PTPRR: variants seen among roughly 807,000 people sequenced by gnomAD.
The protein encoded by PTPRR is receptor-type tyrosine-protein phosphatase R.
In PTPRR, 38 loss-of-function variants were observed where a neutral mutation model predicts 77.2. The ratio of observed to expected loss-of-function variants is 0.49; its 90% CI spans 0.38 to 0.65. PTPRR has a LOEUF of 0.65. PTPRR is among the 30% of genes least tolerant of loss of function. The probability of loss-of-function intolerance (pLI) is 0.00; values close to 1 mark genes in which losing one functional copy is unlikely to be tolerated. For synonymous variants in PTPRR, 299 were observed against 283.1 expected, an observed-to-expected ratio of 1.06 and a Z score of -0.57; for missense variants, 744 against 799.2, an observed-to-expected ratio of 0.93 and a Z score of 0.83.
intron 6 of PTPRR, among the ~76,000 whole-genome samples, chr12:70,713,775 A>G (rs12812487): frequency 0.08 from 12,240 of 152,104 alleles, 636 homozygotes; most frequent in South Asian, 0.12. Context: ...AAAATTATGT[A>G]TATATTCTGG....
At chr12:70,795,210 T>A (rs901266765) in intron 2 of PTPRR, among the ~76,000 whole-genome samples, 5 of 152,236 alleles carry the variant, frequency 3.3e-5, no homozygotes, top group African/African-American at 1.2e-4. Context: ...TCAGTTCAAA[T>A]GACCCTTTCT....
chr12:70,645,557 T>C (rs1034964999), intron 13 of PTPRR, among the ~76,000 whole-genome samples: 2 of 152,228 alleles, frequency 1.3e-5, no homozygotes, highest in East Asian at 1.9e-4. Flanking sequence ...TTCATCCTAA[T>C]GATGCCCCAT....
At chr12:70,829,622 A>G (rs1892176577) in intron 2 of PTPRR, among the ~76,000 whole-genome samples, 1 of 152,202 alleles carries the variant, frequency 6.6e-6, no homozygotes, top group Non-Finnish European at 1.5e-5. Context: ...AAGGGATGTT[A>G]TCATCAAGTC....
chr12:70,854,581 C>T (rs1892622480), intron 2 of PTPRR, among the ~76,000 whole-genome samples: 1 of 152,192 alleles, frequency 6.6e-6, no homozygotes, highest in Admixed American at 6.5e-5. Context: ...TATTCTTTGA[C>T]CTCCTCTGAT....
At chr12:70,692,587 A>G (rs1270665189) in intron 8 of PTPRR, among the ~76,000 whole-genome samples, 1 of 152,046 alleles carries the variant, frequency 6.6e-6, no homozygotes, top group Non-Finnish European at 1.5e-5. Flanking sequence ...CTGCTTTCCC[A>G]CGTGTATCAT....
At chr12:70,745,685 T>C (rs1405106090) in intron 6 of PTPRR, 133 bp downstream of exon 6, 21 of 1,051,642 alleles carry the variant, frequency 2.0e-5, no homozygotes, top group Non-Finnish European at 2.9e-5. Flanking sequence ...GAAACACTAC[T>C]TCATCTGACT....
At chr12:70,656,131 C>A (rs1465808131) in intron 13 of PTPRR, among the ~76,000 whole-genome samples, 1 of 152,018 alleles carries the variant, frequency 6.6e-6, no homozygotes, top group African/African-American at 2.4e-5. Context: ...GGTAGGAGGA[C>A]CACATGAGCC....
intron 2 of PTPRR, among the ~76,000 whole-genome samples, chr12:70,789,851 A>T (rs1355810712): frequency 6.6e-6 from 1 of 152,176 alleles, no homozygotes; most frequent in Non-Finnish European, 1.5e-5. Flanking sequence ...GGTATTAAAA[A>T]TGTTCATAAT....
chr12:70,691,399 G>C (rs1481752868), intron 8 of PTPRR, among the ~76,000 whole-genome samples: 1 of 151,950 alleles, frequency 6.6e-6, no homozygotes, highest in East Asian at 1.9e-4. Flanking sequence ...CCAATCTCCT[G>C]CTCATTTAAT....
intron 2 of PTPRR, among the ~76,000 whole-genome samples, chr12:70,876,828 C>CA (rs1430209413): frequency 2.0e-5 from 3 of 151,836 alleles, no homozygotes; most frequent in Non-Finnish European, 4.4e-5. Flanking sequence ...TTATTTAATT[C>CA]AAAAAAAATT....
intron 4 of PTPRR, 101 bp downstream of exon 4, chr12:70,761,370 A>G: frequency 4.5e-6 from 5 of 1,117,764 alleles, no homozygotes; most frequent in South Asian, 2.2e-5. Context: ...ATCAAATAAC[A>G]TACAATAAAC....
At chr12:70,732,388 G>C (rs1390612871) in intron 6 of PTPRR, among the ~76,000 whole-genome samples, 1 of 152,190 alleles carries the variant, frequency 6.6e-6, no homozygotes, top group Non-Finnish European at 1.5e-5. Context: ...CAGGGACCGT[G>C]AGGGTTTTAG....
chr12:70,673,781 T>G (rs1028617915), intron 10 of PTPRR, among the ~76,000 whole-genome samples: 17 of 152,336 alleles, frequency 1.1e-4, no homozygotes, highest in African/African-American at 4.1e-4. Flanking sequence ...GTGCTAAATA[T>G]TGCATGAAGT....
chr12:70,690,330 G>T (rs1340690604), intron 8 of PTPRR, among the ~76,000 whole-genome samples: 2 of 152,208 alleles, frequency 1.3e-5, no homozygotes, highest in Admixed American at 1.3e-4. Context: ...CACAAAATCA[G>T]TTCTGCCTAG....
chr12:70,754,731 C>T (rs752999366), intron 4 of PTPRR: 21 of 1,571,884 alleles, frequency 1.3e-5, no homozygotes, highest in Non-Finnish European at 1.8e-5. Context: ...AAAAGTGAAA[C>T]AAGTGCAAAC....
At chr12:70,823,108 G>GACAC (rs58549756) in intron 2 of PTPRR, among the ~76,000 whole-genome samples, 10,047 of 139,564 alleles carry the variant, frequency 0.072, 457 homozygotes, top group African/African-American at 0.11. Context: ...CTCTCTCTCT[G>GACAC]ACACACACAC....
intron 2 of PTPRR, among the ~76,000 whole-genome samples, chr12:70,887,621 C>T (rs955369119): frequency 6.6e-6 from 1 of 152,138 alleles, no homozygotes; most frequent in African/African-American, 2.4e-5. Context: ...TCATTATGTG[C>T]TAGACACAAG....
rs750362987 is a variant in PTPRR at position 70,892,967 on chromosome 12, T to G, written c.69A>C (p.Ser23=). The G allele has an allele frequency of 3.1e-6, 5 of 1,612,360 alleles. No individual in the cohort carries two copies. Among genetic ancestry groups the G allele is most frequent in the Non-Finnish European group, 4.2e-6 (5 of 1,178,946 alleles). ...LLNLHAAGCF[S]GNNDHFLAIN... ...TTGCCAAAAAATGATCATTGTTTCC[T>G]GAAAAGCACCCTGAAAGAGGGAAGA... Residue 23 remains serine, a synonymous_variant, in exon 2 of 14, where the codon TCA becomes TCC. Coordinates refer to ENST00000283228, the MANE Select transcript of PTPRR (RefSeq NM_002849.4).
intron 2 of PTPRR, among the ~76,000 whole-genome samples, chr12:70,848,489 A>G (rs1892522140): frequency 6.6e-6 from 1 of 152,006 alleles, no homozygotes; most frequent in Non-Finnish European, 1.5e-5. Context: ...TAATTTTTTA[A>G]ATTATTTTAT....
Sources: gnomAD v4.1 joint callset for allele counts (sites outside exome capture counted in the v4.1 genomes callset) on GRCh38, gnomAD v4.1.1 for gene constraint, MANE v1.5 for transcripts, NCBI Gene and HGNC (gene_info 2026-07-23, HGNC 2026-07-21) for gene names.